MNAT1: variants seen among roughly 807,000 people sequenced by gnomAD.
MNAT1 encodes CDK-activating kinase assembly factor MAT1.
MNAT1 carries 43 observed loss-of-function variants against 42.0 expected under a neutral mutation model. The ratio of observed to expected loss-of-function variants is 1.02; its 90% CI spans 0.80 to 1.32. The LOEUF (loss-of-function observed/expected upper bound fraction) is 1.32. MNAT1 is among the 40% of genes most tolerant of loss of function. The probability of loss-of-function intolerance (pLI) is 0.00; values close to 1 mark genes in which losing one functional copy is unlikely to be tolerated. For synonymous variants in MNAT1, 118 were observed against 120.0 expected (o/e 0.98, Z 0.11); for missense variants, 306 against 350.4 (o/e 0.87, Z 1.01).
intron 3 of MNAT1, among the ~76,000 whole-genome samples, chr14:60,805,149 G>T (rs1032123026): frequency 2.6e-5 from 4 of 151,966 alleles, no homozygotes; most frequent in African/African-American, 9.7e-5. Context: ...TTGGGTATTA[G>T]TTTATTTTTT....
At chr14:60,749,605 G>C (rs563440477) in intron 1 of MNAT1, among the ~76,000 whole-genome samples, 1 of 152,258 alleles carries the variant, frequency 6.6e-6, no homozygotes, top group South Asian at 2.1e-4. Flanking sequence ...ATGAAGATTA[G>C]ATGAGGCACA....
intron 7 of MNAT1, among the ~76,000 whole-genome samples, chr14:60,912,631 A>G (rs2035398541): frequency 6.6e-6 from 1 of 152,160 alleles, no homozygotes; most frequent in Admixed American, 6.5e-5. Flanking sequence ...CTTTTCTTTA[A>G]GAATGTTGAA....
At chr14:60,779,248 T>G (rs2031359546) in intron 1 of MNAT1, among the ~76,000 whole-genome samples, 1 of 152,192 alleles carries the variant, frequency 6.6e-6, no homozygotes, top group Non-Finnish European at 1.5e-5. Context: ...TTAATAAATG[T>G]ACAAATACAG....
At chr14:60,881,629 A>G (rs1010295419) in intron 7 of MNAT1, among the ~76,000 whole-genome samples, 2 of 151,956 alleles carry the variant, frequency 1.3e-5, no homozygotes, top group African/African-American at 2.4e-5. Flanking sequence ...TTTAAGATAG[A>G]GAAGATTTTT....
At chr14:60,749,268 G>A (rs539701801) in intron 1 of MNAT1, among the ~76,000 whole-genome samples, 27 of 152,276 alleles carry the variant, frequency 1.8e-4, no homozygotes, top group African/African-American at 6.5e-4. Context: ...TCAAACAGGT[G>A]AAGCTATCTA....
At chr14:60,913,378 A>G (rs1331293429) in intron 7 of MNAT1, among the ~76,000 whole-genome samples, 1 of 152,142 alleles carries the variant, frequency 6.6e-6, no homozygotes, top group Non-Finnish European at 1.5e-5. Flanking sequence ...GAGGAGCTGC[A>G]TTCCTTTGGA....
chr14:60,742,261 T>G (rs1483624463), intron 1 of MNAT1, among the ~76,000 whole-genome samples: 4 of 151,656 alleles, frequency 2.6e-5, no homozygotes, highest in Non-Finnish European at 5.9e-5. Flanking sequence ...AATTTTTAAT[T>G]TTTTTTTGTA....
In MNAT1 at chr14:60,877,601, A is replaced by G. The variant is rs547002523; in HGVS notation, c.688-2113A>G. 6.8e-3 allele frequency among the ~76,000 whole-genome samples: 1,028 copies of G among 152,228 alleles called. 2 individuals are homozygous for G. Among genetic ancestry groups the G allele is most frequent in the Non-Finnish European group, 0.011 (769 of 67,954 alleles). ...AATTGGAGGAATTAATAACTGCAAG[A>G]ATGGTTTATAAAAAGTTATGAAATA... is the stretch of plus-strand genomic sequence containing the variant. On this transcript the variant is annotated intron_variant, in intron 6 of 7. Coordinates refer to ENST00000261245, the MANE Select transcript of MNAT1 (RefSeq NM_002431.4).
In MNAT1 at chr14:60,936,519, T is replaced by A. The variant is rs200401588; in HGVS notation, c.810-31710T>A. Among the ~76,000 whole-genome samples, 30 of 152,146 alleles carry A rather than the reference T, an allele frequency of 2.0e-4. No individual in the cohort carries two copies. In the East Asian group the frequency reaches 5.8e-3, roughly 29 times the overall value. On this transcript the variant is annotated intron_variant, in intron 7 of 7. Coordinates refer to ENST00000261245, the MANE Select transcript of MNAT1 (RefSeq NM_002431.4). ...CGATAGTTTGCTGAGAATGATGGTTTCCAGCTTCATCCATGTCCCTACAAA... is the reference window on the plus strand; with the variant it reads ...CGATAGTTTGCTGAGAATGATGGTTACCAGCTTCATCCATGTCCCTACAAA...
At chr14:60,910,455 G>C (rs569628429) in intron 7 of MNAT1, among the ~76,000 whole-genome samples, 1 of 152,204 alleles carries the variant, frequency 6.6e-6, no homozygotes, top group Non-Finnish European at 1.5e-5. Flanking sequence ...GATATTGGCT[G>C]TGGGTTTGTC....
rs577267206 is a variant in MNAT1 at position 60,957,427 on chromosome 14, A to G, written c.810-10802A>G. 7.2e-5 allele frequency among the ~76,000 whole-genome samples: 11 copies of G among 152,282 alleles called. No individual in the cohort carries two copies. In the South Asian group the frequency reaches 1.9e-3, roughly 26 times the overall value. On this transcript the variant is annotated intron_variant, in intron 7 of 7. Transcript: ENST00000261245. ...ACATCTTACATGGCAGAAGGCAAGA[A>G]AGCATGTGGCAGGGGAACTCCCCTT...
rs372275142 is a variant in MNAT1 at position 60,938,902 on chromosome 14, A to G, written c.810-29327A>G. On this transcript the variant is annotated intron_variant, in intron 7 of 7. Coordinates refer to ENST00000261245, the MANE Select transcript of MNAT1 (RefSeq NM_002431.4). ...TGGTAAGCTATTAATTATTGCCTCA[A>G]TTTCAGAGCCTGTTATTGGTCTATT... 3.9e-5 allele frequency among the ~76,000 whole-genome samples: 6 copies of G among 152,262 alleles called. No homozygotes were observed. The East Asian group carries it at 5.8e-4, about 15-fold the overall frequency.
chr14:60,807,226 CA>C (rs2032400145), intron 3 of MNAT1, among the ~76,000 whole-genome samples: 3 of 152,116 alleles, frequency 2.0e-5, no homozygotes, highest in Non-Finnish European at 2.9e-5. Context: ...TCAAACTGGT[CA>C]TTTGAGTCTG....
At chr14:60,894,531 T>C (rs2034912737) in intron 7 of MNAT1, among the ~76,000 whole-genome samples, 1 of 152,138 alleles carries the variant, frequency 6.6e-6, no homozygotes, top group Non-Finnish European at 1.5e-5. Flanking sequence ...TGGAGCCCTT[T>C]TTGTGTTTCT....
chr14:60,789,477 A>G (rs2031751587), intron 1 of MNAT1, among the ~76,000 whole-genome samples: 1 of 152,158 alleles, frequency 6.6e-6, no homozygotes, highest in African/African-American at 2.4e-5. Context: ...CGTTGCCACA[A>G]ATCTTGAATT....
intron 7 of MNAT1, among the ~76,000 whole-genome samples, chr14:60,933,399 A>G (rs1035313505): frequency 6.6e-6 from 1 of 152,134 alleles, no homozygotes; most frequent in African/African-American, 2.4e-5. Flanking sequence ...ATCTTTAAGG[A>G]AGACTACTTG....
intron 6 of MNAT1, among the ~76,000 whole-genome samples, chr14:60,823,943 G>T (rs1229833906): frequency 6.6e-6 from 1 of 152,138 alleles, no homozygotes; most frequent in Admixed American, 6.5e-5. Flanking sequence ...TGGATCACGA[G>T]ATCAGGAGTT....
chr14:60,756,409 C>A (rs1394423652), intron 1 of MNAT1, among the ~76,000 whole-genome samples: 12 of 152,150 alleles, frequency 7.9e-5, no homozygotes, highest in Admixed American at 7.2e-4. Flanking sequence ...ACATGAAATT[C>A]TGAACTTTTA....
chr14:60,862,458 T>G (rs2034117453), intron 6 of MNAT1, among the ~76,000 whole-genome samples: 1 of 152,212 alleles, frequency 6.6e-6, no homozygotes, highest in African/African-American at 2.4e-5. Flanking sequence ...TGCCCCTTAG[T>G]TCCCCTTTTA....
Sources: gnomAD v4.1 joint callset for allele counts (sites outside exome capture counted in the v4.1 genomes callset) on GRCh38, gnomAD v4.1.1 for gene constraint, MANE v1.5 for transcripts, NCBI Gene and HGNC (gene_info 2026-07-23, HGNC 2026-07-21) for gene names.